Variants in CLCA1 observed in about 807,000 individuals in gnomAD.
CLCA1 encodes the protein chloride channel accessory 1.
In CLCA1, 59 loss-of-function variants were observed where a neutral mutation model predicts 85.6. The observed-to-expected ratio is 0.69, with a 90% CI of 0.56 to 0.86. CLCA1 has a LOEUF of 0.86. CLCA1 is among the 40% of genes least tolerant of loss of function. The probability of loss-of-function intolerance (pLI) is 0.00; values close to 1 mark genes in which losing one functional copy is unlikely to be tolerated. For missense variants in CLCA1, 1,022 were observed against 1,101.4 expected (o/e 0.93, Z 1.02); for synonymous variants, 396 against 398.3 (o/e 0.99, Z 0.07).
intron 12 of CLCA1, among the ~76,000 whole-genome samples, 180 bp downstream of exon 12, chr1:86,495,855 G>A (rs975064020): frequency 6.6e-6 from 1 of 152,180 alleles, no homozygotes; most frequent in African/African-American, 2.4e-5. Context: ...ATTGTGGCAT[G>A]TTTAGCAGCA....
Position 86,485,388 on chromosome 1 carries a change from A to G in CLCA1, c.781A>G (p.Asn261Asp), listed in dbSNP as rs755283676. 6.2e-7 allele frequency: 1 copy of G among 1,614,224 alleles called. No individual in the cohort carries two copies. Among genetic ancestry groups the G allele is most frequent in the Admixed American group, 1.7e-5 (1 of 60,026 alleles). Residue 261 changes from asparagine (N) to aspartate (D), a missense_variant, in exon 6 of 14, where the codon AAC becomes GAC. Physicochemically the swap from Asn to Asp is conservative, Grantham distance 23. Coordinates refer to ENST00000394711, the MANE Select transcript of CLCA1 (RefSeq NM_001285.4). ...TEQNHNKEAP[N>D]KQNQKCNLRS... ...ACAAAACCACAACAAAGAAGCTCCAAACAAGCAAAATCAAAAATGCAATCT... is the reference window on the plus strand; with the variant it reads ...ACAAAACCACAACAAAGAAGCTCCAGACAAGCAAAATCAAAAATGCAATCT...
At chr1:86,497,184 GGT>G (rs1260338218) in intron 12 of CLCA1, among the ~76,000 whole-genome samples, 1 of 152,110 alleles carries the variant, frequency 6.6e-6, no homozygotes, top group East Asian at 1.9e-4. Context: ...AGAGCTTATG[GGT>G]TCATATAACT....
At chr1:86,496,452 C>T (rs1483435404) in intron 12 of CLCA1, among the ~76,000 whole-genome samples, 2 of 152,156 alleles carry the variant, frequency 1.3e-5, no homozygotes, top group Non-Finnish European at 2.9e-5. Flanking sequence ...ATGAAACAGA[C>T]AGTCCCATAC....
At chr1:86,499,553 T>C in intron 13 of CLCA1, 101 bp from the exon 14 acceptor site, 4 of 750,450 alleles carry the variant, frequency 5.3e-6, no homozygotes, top group Non-Finnish European at 8.4e-6. Context: ...TAATTTCTCA[T>C]AGACTTTTAA....
intron 4 of CLCA1, among the ~76,000 whole-genome samples, chr1:86,480,857 C>T (rs957800645): frequency 2.0e-5 from 3 of 152,054 alleles, no homozygotes; most frequent in African/African-American, 7.2e-5. Context: ...AAGTCTTGAT[C>T]CTGTGATTTC....
At chr1:86,484,678 C>T (rs1330750168) in intron 5 of CLCA1, among the ~76,000 whole-genome samples, 3 of 152,058 alleles carry the variant, frequency 2.0e-5, no homozygotes, top group Non-Finnish European at 4.4e-5. Flanking sequence ...ATGGATATTT[C>T]ATTGGAGATG....
rs377703691 is a variant in CLCA1, at chr1:86,469,023, G to A, written c.52G>A (p.Gly18Arg). The change falls in exon 1 of 14, where the codon GGG becomes AGG. Residue 18 changes from glycine to arginine, a missense_variant. Physicochemically the swap from Gly to Arg is moderately radical, Grantham distance 125. Coordinates refer to ENST00000394711, the MANE Select transcript of CLCA1 (RefSeq NM_001285.4). ...VFILILHLLE[G>R]ALSNSLIQLN... ...CATCTTGATTCTTCACCTTCTAGAA[G>A]GGGCCCTGAGTAATTCACTCATTCA... 18 of 1,612,974 alleles carry A rather than the reference G, an allele frequency of 1.1e-5. No individual in the cohort carries two copies. Among genetic ancestry groups the A allele is most frequent in the Non-Finnish European group, 1.4e-5 (17 of 1,179,444 alleles).
At position 86,496,081 on chromosome 1, in the gene CLCA1, T is replaced by C. The variant is rs538122411; in HGVS notation, c.2113+406T>C. Among the ~76,000 whole-genome samples, 3 of 152,308 alleles carry C rather than the reference T, an allele frequency of 2.0e-5. No individual in the cohort carries two copies. The South Asian group carries it at 6.2e-4, about 32-fold the overall frequency. ...TCTTTTTGTACTTCACTCTCCTCTG[T>C]TGTAAAATAAGGATAATAATGGCAG... is the stretch of plus-strand genomic sequence containing the variant. On this transcript the variant is annotated intron_variant, in intron 12 of 13. Coordinates refer to ENST00000394711, the MANE Select transcript of CLCA1 (RefSeq NM_001285.4).
In CLCA1 at chr1:86,469,047, C is replaced by G. The variant is rs770168920; in HGVS notation, c.76C>G (p.Gln26Glu). 10 of 1,613,052 alleles carry G rather than the reference C, an allele frequency of 6.2e-6. No individual in the cohort carries two copies. The South Asian group carries it at 9.9e-5, about 16-fold the overall frequency. The change falls in exon 1 of 14, where the codon CAG (glutamine) becomes GAG (glutamate). Residue 26 changes from glutamine to glutamate, a missense_variant. Physicochemically the swap from Gln to Glu is conservative, Grantham distance 29. Coordinates refer to ENST00000394711, the MANE Select transcript of CLCA1 (RefSeq NM_001285.4). ...AGGGGCCCTGAGTAATTCACTCATT[C>G]AGCTGAACAACAATGGCTATGAAGG... ...LEGALSNSLI[Q>E]LNNNGYEGIV...
At chr1:86,469,714 G>T (rs529488562) in intron 1 of CLCA1, among the ~76,000 whole-genome samples, 18 of 152,256 alleles carry the variant, frequency 1.2e-4, no homozygotes, top group African/African-American at 4.3e-4. Flanking sequence ...TTCCTGTCCT[G>T]GCAGGGGTAT....
chr1:86,489,962 A>G (rs1648091207), intron 8 of CLCA1, among the ~76,000 whole-genome samples: 1 of 152,160 alleles, frequency 6.6e-6, no homozygotes, highest in African/African-American at 2.4e-5. Flanking sequence ...TATAGGAGAG[A>G]GAGCTCTTAG....
chr1:86,485,862 A>G (rs1647951329), intron 6 of CLCA1, among the ~76,000 whole-genome samples: 1 of 152,220 alleles, frequency 6.6e-6, no homozygotes, highest in Admixed American at 6.5e-5. Context: ...CTTATATATT[A>G]GTCTGTTCTC....
rs748153358 is a variant in CLCA1 at position 86,489,196 on chromosome 1, C to G, written c.1357+26C>G. Reference sequence around the variant, plus strand: ...GTGAGGGATGATTTGCTGAGACCCCCGGTATTGTCTCTCCTACTGGACTGT... The same window carrying G: ...GTGAGGGATGATTTGCTGAGACCCCGGGTATTGTCTCTCCTACTGGACTGT... On this transcript the variant is annotated intron_variant, in intron 8 of 13. Transcript: ENST00000394711. 5.6e-6 allele frequency: 9 copies of G among 1,602,966 alleles called. No homozygotes were observed. The Admixed American group carries it at 1.5e-4, about 27-fold the overall frequency.
At chr1:86,474,809 G>A (rs1056410606) in intron 3 of CLCA1, among the ~76,000 whole-genome samples, 1 of 152,090 alleles carries the variant, frequency 6.6e-6, no homozygotes, top group South Asian at 2.1e-4. Context: ...AACAAGTAAT[G>A]ACATATATAT....
chr1:86,479,832 C>A (rs1239379665), intron 4 of CLCA1, among the ~76,000 whole-genome samples: 1 of 152,092 alleles, frequency 6.6e-6, no homozygotes, highest in African/African-American at 2.4e-5. Flanking sequence ...TTGCAGTGAG[C>A]CGAGATCATG....
intron 7 of CLCA1, among the ~76,000 whole-genome samples, chr1:86,487,441 A>G (rs1648012839): frequency 6.6e-6 from 1 of 152,098 alleles, no homozygotes; most frequent in African/African-American, 2.4e-5. Flanking sequence ...TGTGCAGTAC[A>G]CCAGTGGAAT....
intron 1 of CLCA1, among the ~76,000 whole-genome samples, chr1:86,470,177 GA>G (rs1031499913): frequency 6.6e-6 from 1 of 152,164 alleles, no homozygotes; most frequent in African/African-American, 2.4e-5. Context: ...GGCAAATATA[GA>G]AAGATAATGT....
intron 8 of CLCA1, among the ~76,000 whole-genome samples, chr1:86,490,096 C>T (rs1015389090): frequency 7.2e-5 from 11 of 152,162 alleles, no homozygotes; most frequent in African/African-American, 2.7e-4. Flanking sequence ...ACTTGTCTCA[C>T]CTTGAGACAG....
chr1:86,472,036 TC>T (rs1647515769), intron 1 of CLCA1, among the ~76,000 whole-genome samples: 1 of 151,488 alleles, frequency 6.6e-6, no homozygotes, highest in African/African-American at 2.4e-5. Context: ...GTTTTTTTTT[TC>T]ATTAGCATAG....
Sources: gnomAD v4.1 joint callset for allele counts (sites outside exome capture counted in the v4.1 genomes callset) on GRCh38, gnomAD v4.1.1 for gene constraint, MANE v1.5 for transcripts, NCBI Gene and HGNC (gene_info 2026-07-23, HGNC 2026-07-21) for gene names.